The following IMMP2L variants were observed in gnomAD, a reference collection of about 807,000 sequenced individuals.
IMMP2L encodes the protein inner mitochondrial membrane peptidase subunit 2.
Under a neutral mutation model 19.3 loss-of-function variants are expected in IMMP2L, and 18 were observed. The observed-to-expected ratio is 0.93, with a 90% CI of 0.64 to 1.38. The LOEUF is 1.38. IMMP2L is among the 40% of genes most tolerant of loss of function. IMMP2L has a pLI of 0.00. For missense variants in IMMP2L, 233 were observed against 218.2 expected, an observed-to-expected ratio of 1.07 and a Z score of -0.43; for synonymous variants, 76 against 73.0, an observed-to-expected ratio of 1.04 and a Z score of -0.21.
chr7:111,530,689 A>C (rs1432478414), intron 1 of IMMP2L, among the ~76,000 whole-genome samples: 1 of 152,068 alleles, frequency 6.6e-6, no homozygotes, highest in Non-Finnish European at 1.5e-5. Context: ...ATGATGAGAA[A>C]GGCTAAAAAG....
At chr7:110,954,924 C>T (rs1179159188) in intron 4 of IMMP2L, among the ~76,000 whole-genome samples, 1 of 151,954 alleles carries the variant, frequency 6.6e-6, no homozygotes, top group Non-Finnish European at 1.5e-5. Flanking sequence ...TCTAAATGGC[C>T]TAATGACTTT....
chr7:111,144,593 C>A (rs144225092), intron 3 of IMMP2L, among the ~76,000 whole-genome samples: 29 of 152,096 alleles, frequency 1.9e-4, no homozygotes, highest in African/African-American at 6.7e-4. Flanking sequence ...AAAATACTTA[C>A]GCTTATTTAA....
intron 3 of IMMP2L, among the ~76,000 whole-genome samples, chr7:111,439,667 G>A (rs959011288): frequency 3.3e-5 from 5 of 151,912 alleles, no homozygotes; most frequent in Non-Finnish European, 7.3e-5. Context: ...GTTGATGGCT[G>A]CTGACTGACC....
chr7:111,238,816 T>G (rs949264446), intron 3 of IMMP2L, among the ~76,000 whole-genome samples: 2 of 151,948 alleles, frequency 1.3e-5, no homozygotes, highest in Non-Finnish European at 2.9e-5. Flanking sequence ...TTGAGTAGCT[T>G]GAGTTCAATT....
chr7:111,403,002 C>G lies in IMMP2L; in HGVS notation c.239+84236G>C, dbSNP rs911526629. On this transcript the variant is annotated intron_variant, in intron 3 of 5. Transcript: ENST00000405709. ...TCACTGCAGCCTTGACCCCCCCCCCCCACCCCGCCAGGCTCAGGTGATCCT... is the reference window on the plus strand; with the variant it reads ...TCACTGCAGCCTTGACCCCCCCCCCGCACCCCGCCAGGCTCAGGTGATCCT... 1.0e-4 allele frequency among the ~76,000 whole-genome samples: 11 copies of G among 106,332 alleles called. 1 individual carries two copies. The highest frequency in any genetic ancestry group is 9.7e-5 in the Non-Finnish European group (5 of 51,536). 69.8% of individuals were successfully genotyped at this position (106,332 alleles called of 152,430 possible). A position where few individuals can be genotyped will look rare whatever the true frequency, so the allele number is the denominator to read the frequency against.
chr7:111,088,591 T>C (rs1796554685), intron 3 of IMMP2L, among the ~76,000 whole-genome samples: 1 of 152,132 alleles, frequency 6.6e-6, no homozygotes, highest in South Asian at 2.1e-4. Flanking sequence ...CTGGAATACC[T>C]GAGGGGCTCT....
intron 3 of IMMP2L, among the ~76,000 whole-genome samples, chr7:111,433,198 A>G (rs1836812444): frequency 6.6e-6 from 1 of 151,740 alleles, no homozygotes; most frequent in African/African-American, 2.4e-5. Flanking sequence ...AGAAGGGGAA[A>G]TGCCAGATGC....
At chr7:110,773,922 A>G (rs1406389547) in intron 5 of IMMP2L, among the ~76,000 whole-genome samples, 1 of 151,190 alleles carries the variant, frequency 6.6e-6, no homozygotes, top group African/African-American at 2.4e-5. Flanking sequence ...AAAAAAAAAA[A>G]TGTTTATAAG....
At chr7:111,086,090 C>T (rs1021368016) in intron 3 of IMMP2L, among the ~76,000 whole-genome samples, 2 of 151,822 alleles carry the variant, frequency 1.3e-5, no homozygotes, top group Non-Finnish European at 2.9e-5. Context: ...ACCTTTGTAA[C>T]AAACCTGCAC....
chr7:110,785,107 G>C (rs1423303411), intron 5 of IMMP2L, among the ~76,000 whole-genome samples: 1 of 151,864 alleles, frequency 6.6e-6, no homozygotes, highest in Non-Finnish European at 1.5e-5. Context: ...AAATTTTGGT[G>C]TTAAAATTAC....
At chr7:111,019,472 G>A (rs1469876757) in intron 3 of IMMP2L, among the ~76,000 whole-genome samples, 1 of 152,148 alleles carries the variant, frequency 6.6e-6, no homozygotes, top group Admixed American at 6.5e-5. Flanking sequence ...GCACTGGCAG[G>A]AGTGAGGTGC....
intron 3 of IMMP2L, among the ~76,000 whole-genome samples, chr7:111,074,232 A>G (rs1009447132): frequency 5.9e-5 from 9 of 152,202 alleles, no homozygotes; most frequent in African/African-American, 2.2e-4. Context: ...AAAAATAAGA[A>G]ACCTAGTTTA....
At chr7:110,976,404 G>T (rs1820704547) in intron 3 of IMMP2L, among the ~76,000 whole-genome samples, 1 of 151,982 alleles carries the variant, frequency 6.6e-6, no homozygotes, top group Admixed American at 6.6e-5. Context: ...ACTCACCCAT[G>T]TTGTAGCATG....
chr7:111,016,801 A>G (rs1202764823), intron 3 of IMMP2L, among the ~76,000 whole-genome samples: 1 of 70,584 alleles, frequency 1.4e-5, no homozygotes, highest in African/African-American at 5.0e-5. Context: ...TATAATATAT[A>G]ATATATACTA....
chr7:111,243,786 G>A (rs1337673205), intron 3 of IMMP2L, among the ~76,000 whole-genome samples: 85 of 39,418 alleles, frequency 2.2e-3, no homozygotes, highest in Middle Eastern at 7.6e-3. Context: ...TTGTTCTTGC[G>A]ATAGTTTACT....
chr7:111,360,677 G>T (rs1233739813), intron 3 of IMMP2L, among the ~76,000 whole-genome samples: 4 of 151,996 alleles, frequency 2.6e-5, no homozygotes, highest in African/African-American at 4.8e-5. Context: ...AATTAGTCAA[G>T]CATGGTGGCA....
chr7:111,072,972 A>C (rs1401808694), intron 3 of IMMP2L, among the ~76,000 whole-genome samples: 2 of 152,070 alleles, frequency 1.3e-5, no homozygotes, highest in Non-Finnish European at 2.9e-5. Flanking sequence ...GGATTAGATC[A>C]TTGGTAAAGG....
chr7:111,129,498 A>G (rs1239393018), intron 3 of IMMP2L, among the ~76,000 whole-genome samples: 2 of 151,958 alleles, frequency 1.3e-5, no homozygotes, highest in Non-Finnish European at 2.9e-5. Flanking sequence ...AATTAAACAG[A>G]AAAGACTACA....
intron 3 of IMMP2L, among the ~76,000 whole-genome samples, chr7:111,008,439 C>T (rs768514141): frequency 1.6e-4 from 24 of 152,024 alleles, no homozygotes; most frequent in Non-Finnish European, 2.8e-4. Context: ...TCATTACCTT[C>T]AAGTCTCTGG....
Sources: gnomAD v4.1 joint callset for allele counts (sites outside exome capture counted in the v4.1 genomes callset) on GRCh38, gnomAD v4.1.1 for gene constraint, MANE v1.5 for transcripts, NCBI Gene and HGNC (gene_info 2026-07-23, HGNC 2026-07-21) for gene names.